ITPRID1: variants seen among roughly 807,000 people sequenced by gnomAD.
ITPRID1 encodes ITPR interacting domain containing 1, also known as protein ITPRID1.
In ITPRID1, 96 loss-of-function variants were observed where a neutral mutation model predicts 95.4. The ratio of observed to expected loss-of-function variants is 1.01; its 90% confidence interval spans 0.85 to 1.19. The LOEUF (loss-of-function observed/expected upper bound fraction) is 1.19. Among genes scored for constraint, ITPRID1 ranks in the 50% most tolerant of loss-of-function variants. The pLI is 0.00. For synonymous variants in ITPRID1, 510 were observed against 453.6 expected, an observed-to-expected ratio of 1.12 and a Z score of -1.58; for missense variants, 1,339 against 1,252.9, an observed-to-expected ratio of 1.07 and a Z score of -1.04.
chr7:31,520,518 TGTGTGTG>T (rs1783207834), intron 1 of ITPRID1, among the ~76,000 whole-genome samples: 2 of 21,296 alleles, frequency 9.4e-5, no homozygotes, highest in Admixed American at 3.6e-4. Context: ...CACATCATTG[TGTGTGTG>T]TGTGTGTGTG....
At chr7:31,605,636 C>A (rs926765928) in intron 10 of ITPRID1, among the ~76,000 whole-genome samples, 7 of 152,180 alleles carry the variant, frequency 4.6e-5, no homozygotes, top group African/African-American at 1.7e-4. Context: ...ATGAGGCATA[C>A]CAGTAAAAAG....
chr7:31,555,004 T>C, intron 5 of ITPRID1, 103 bp downstream of exon 5: 1 of 886,800 alleles, frequency 1.1e-6, no homozygotes. Flanking sequence ...CAGAGGCTTC[T>C]AGAAATGATC....
intron 5 of ITPRID1, 151 bp downstream of exon 5, chr7:31,555,052 A>G: frequency 1.6e-6 from 1 of 622,390 alleles, no homozygotes; most frequent in South Asian, 2.1e-5. Context: ...TCTTCATTTG[A>G]CATATGACTG....
chr7:31,642,843 T>A lies in ITPRID1; in HGVS notation c.1473T>A (p.Asn491Lys). 1 of 1,613,998 alleles carries A rather than the reference T, an allele frequency of 6.2e-7. No homozygotes were observed. The highest frequency in any genetic ancestry group is 1.6e-4 in the Middle Eastern group (1 of 6,062). Residue 491 changes from asparagine (N) to lysine (K), a missense_variant, in exon 12 of 15, where the codon AAT becomes AAA. Coordinates refer to ENST00000615280, the MANE Select transcript of ITPRID1 (RefSeq NM_001257967.3). Reference protein sequence around the residue: ...ASMSFSSQEANALEQRASVSV... With the variant: ...ASMSFSSQEAKALEQRASVSV... Reference sequence around the variant, plus strand: ...TGTCTTTTTCAAGCCAAGAAGCGAATGCCTTGGAACAAAGGGCCTCAGTAT... The same window carrying A: ...TGTCTTTTTCAAGCCAAGAAGCGAAAGCCTTGGAACAAAGGGCCTCAGTAT...
chr7:31,547,515 G>T (rs2128134917), intron 1 of ITPRID1, among the ~76,000 whole-genome samples: 1 of 146,776 alleles, frequency 6.8e-6, no homozygotes, highest in East Asian at 2.0e-4. Context: ...ACTATCACAA[G>T]AACAGCATGG....
In ITPRID1 at chr7:31,641,438, T is replaced by C. The variant is rs770898791; in HGVS notation, c.1229-738T>C. On this transcript the variant is annotated intron_variant, in intron 10 of 14. Transcript: ENST00000615280. Reference sequence around the variant, plus strand: ...CTGAGAGACTTCCTATTAGAGCCTATACTGTGGTATAACTGAAAGCATTTC... The same window carrying C: ...CTGAGAGACTTCCTATTAGAGCCTACACTGTGGTATAACTGAAAGCATTTC... Among the ~76,000 whole-genome samples the C allele has an allele frequency of 1.1e-4, 17 of 152,128 alleles. 1 individual carries two copies. The highest frequency in any genetic ancestry group is 8.5e-4 in the Admixed American group (13 of 15,254).
chr7:31,567,061 G>A (rs578093834), intron 5 of ITPRID1, among the ~76,000 whole-genome samples: 15 of 152,156 alleles, frequency 9.9e-5, no homozygotes, highest in Middle Eastern at 6.8e-3. Context: ...TTAAAACTAC[G>A]AAGATAAAGG....
intron 2 of ITPRID1, among the ~76,000 whole-genome samples, chr7:31,552,339 C>G (rs1325118719): frequency 9.7e-6 from 1 of 103,054 alleles, no homozygotes; most frequent in Non-Finnish European, 2.4e-5. Context: ...GCAACTTAAT[C>G]TCTCTGGTCT....
chr7:31,635,773 A>G (rs1789429601), intron 10 of ITPRID1, among the ~76,000 whole-genome samples: 1 of 151,972 alleles, frequency 6.6e-6, no homozygotes, highest in Admixed American at 6.6e-5. Context: ...TGGGGCTTGT[A>G]AGGGGAGGGC....
At chr7:31,519,706 A>C (rs1229993901) in intron 1 of ITPRID1, among the ~76,000 whole-genome samples, 1 of 143,184 alleles carries the variant, frequency 7.0e-6, no homozygotes, top group Non-Finnish European at 1.5e-5. Context: ...TAAATATCTT[A>C]TTTTAGAATC....
chr7:31,557,682 A>G (rs1784495061), intron 5 of ITPRID1, among the ~76,000 whole-genome samples: 1 of 152,174 alleles, frequency 6.6e-6, no homozygotes, highest in South Asian at 2.1e-4. Flanking sequence ...GATACTATAC[A>G]TACATTATCT....
At chr7:31,585,200 A>G (rs1785544892) in intron 10 of ITPRID1, among the ~76,000 whole-genome samples, 1 of 152,230 alleles carries the variant, frequency 6.6e-6, no homozygotes, top group Non-Finnish European at 1.5e-5. Context: ...AGGAGGTAGT[A>G]AATTGTTGTT....
In ITPRID1 at chr7:31,656,330, G is replaced by C. The variant is rs191458210; in HGVS notation, c.*3501G>C. On this transcript the variant is annotated 3_prime_UTR_variant, in exon 15 of 15. Transcript: ENST00000615280. ...TCGGGCACTTGCTCTCTTTACCCTA[G>C]TTTCTTCCTCTGTAAAATAGGGAGA... The C allele has an allele frequency of 4.1e-4, 93 of 225,970 alleles. 1 individual carries two copies. In the South Asian group the frequency reaches 0.012, roughly 30 times the overall value. The allele number at this position is 225,970 out of a possible 1,614,324, so 14.0% of individuals were successfully genotyped here.
In ITPRID1 at chr7:31,624,308, C is replaced by T. The variant is rs879793308; in HGVS notation, c.1229-17868C>T. Among the ~76,000 whole-genome samples the T allele has an allele frequency of 3.3e-3, 473 of 142,470 alleles. 1 individual carries two copies. The highest frequency in any genetic ancestry group is 0.011 in the Middle Eastern group (3 of 284). 93.5% of individuals were successfully genotyped at this position (142,470 alleles called of 152,430 possible). On this transcript the variant is annotated intron_variant, in intron 10 of 14. Coordinates refer to ENST00000615280, the MANE Select transcript of ITPRID1 (RefSeq NM_001257967.3). ...TATGGAACCAAAAAAGAGCCCGCAT[C>T]ACCAAGGCAATCCTAAGCCAAAAGA... is the stretch of plus-strand genomic sequence containing the variant.
At chr7:31,547,162 G>A (rs999344950) in intron 1 of ITPRID1, among the ~76,000 whole-genome samples, 4 of 152,184 alleles carry the variant, frequency 2.6e-5, no homozygotes, top group African/African-American at 4.8e-5. Context: ...GGACAGTACT[G>A]CAGATGAAAG....
At chr7:31,561,030 G>A (rs562542426) in intron 5 of ITPRID1, among the ~76,000 whole-genome samples, 3 of 152,264 alleles carry the variant, frequency 2.0e-5, no homozygotes. Flanking sequence ...AGTGAAATCA[G>A]TGTGTCACGG....
intron 12 of ITPRID1, 39 bp from the exon 13 acceptor site, chr7:31,651,103 G>C: frequency 6.2e-7 from 1 of 1,600,586 alleles, no homozygotes; most frequent in Non-Finnish European, 8.5e-7. Flanking sequence ...CAGAGGATCA[G>C]AGAGGACTTT....
intron 10 of ITPRID1, among the ~76,000 whole-genome samples, chr7:31,619,638 G>A (rs143255383): frequency 0.023 from 3,451 of 152,114 alleles, 50 homozygotes; most frequent in Middle Eastern, 0.058. Context: ...CAAGATGGCC[G>A]AATAGGAACA....
chr7:31,647,726 G>A (rs568070233), intron 12 of ITPRID1, among the ~76,000 whole-genome samples: 1 of 144,530 alleles, frequency 6.9e-6, no homozygotes, highest in East Asian at 2.1e-4. Context: ...TGACGACAAC[G>A]ACGACGACAA....
Sources: gnomAD v4.1 joint callset for allele counts (sites outside exome capture counted in the v4.1 genomes callset) on GRCh38, gnomAD v4.1.1 for gene constraint, MANE v1.5 for transcripts, NCBI Gene and HGNC (gene_info 2026-07-23, HGNC 2026-07-21) for gene names.